The following ALK variants were observed in gnomAD, a reference collection of about 807,000 sequenced individuals.
The protein encoded by ALK is ALK tyrosine kinase receptor.
In ALK, 74 loss-of-function variants were observed where a neutral mutation model predicts 163.1. The ratio of observed to expected loss-of-function variants is 0.45; its 90% confidence interval spans 0.38 to 0.55. ALK has a LOEUF of 0.55. ALK is among the 20% of genes least tolerant of loss of function. ALK has a pLI of 0.00. For synonymous variants in ALK, 960 were observed against 843.2 expected (o/e 1.14, Z -2.40); for missense variants, 2,063 against 2,105.3 (o/e 0.98, Z 0.39).
At chr2:29,497,664 G>A (rs1672064731) in intron 4 of ALK, among the ~76,000 whole-genome samples, 1 of 152,306 alleles carries the variant, frequency 6.6e-6, no homozygotes, top group East Asian at 1.9e-4. Context: ...TTCCTATCAA[G>A]AGGGCAAATC....
In ALK at chr2:29,825,797, G is replaced by A. The variant is rs1020915755; in HGVS notation, c.667+94196C>T. Among the ~76,000 whole-genome samples, 45 of 152,108 alleles carry A rather than the reference G, an allele frequency of 3.0e-4. 1 individual carries two copies. The highest frequency in any genetic ancestry group is 1.3e-4 in the Non-Finnish European group (9 of 68,028). On this transcript the variant is annotated intron_variant, in intron 1 of 28. Transcript: ENST00000389048. ...AGAGGCCAGTGCAGTGGTCCAGGCA[G>A]AGATGATCTGAACTTGGACTGGGAT...
intron 11 of ALK, among the ~76,000 whole-genome samples, chr2:29,253,772 A>G (rs1003899797): frequency 1.3e-5 from 2 of 152,134 alleles, no homozygotes; most frequent in African/African-American, 4.8e-5. Context: ...GGCCTTATCA[A>G]TCACAGGGCA....
chr2:29,493,730 G>A (rs554217310), intron 4 of ALK, among the ~76,000 whole-genome samples: 71 of 152,320 alleles, frequency 4.7e-4, no homozygotes, highest in South Asian at 4.4e-3. Context: ...AAGCACATAG[G>A]TGTGCCCTCT....
chr2:29,327,432 TAA>T (rs1558675047), intron 6 of ALK, among the ~76,000 whole-genome samples: 1 of 151,964 alleles, frequency 6.6e-6, no homozygotes, highest in East Asian at 1.9e-4. Context: ...TGGCTAAAAT[TAA>T]AAAGACAGAT....
At chr2:29,305,597 A>G (rs546065277) in intron 8 of ALK, among the ~76,000 whole-genome samples, 2 of 152,242 alleles carry the variant, frequency 1.3e-5, no homozygotes, top group South Asian at 4.1e-4. Flanking sequence ...CATTTTATGT[A>G]AATACCCATG....
chr2:29,223,712 T>C (rs979682410), intron 19 of ALK, 184 bp from the exon 20 acceptor site: 24 of 621,234 alleles, frequency 3.9e-5, no homozygotes, highest in Admixed American at 1.1e-4. Flanking sequence ...TGAAGCATGA[T>C]TTAAAGTAAA....
intron 1 of ALK, among the ~76,000 whole-genome samples, chr2:29,897,164 A>T (rs1283234842): frequency 6.6e-6 from 1 of 152,048 alleles, no homozygotes; most frequent in Admixed American, 6.6e-5. Context: ...TACTAAAAAT[A>T]CAAAAATTAG....
At chr2:29,616,920 C>T (rs1166808044) in intron 3 of ALK, among the ~76,000 whole-genome samples, 1 of 152,172 alleles carries the variant, frequency 6.6e-6, no homozygotes, top group African/African-American at 2.4e-5. Flanking sequence ...TGTTTGTTAC[C>T]TATGTGTTGG....
intron 3 of ALK, among the ~76,000 whole-genome samples, chr2:29,647,191 G>A (rs1307883440): frequency 6.6e-6 from 1 of 152,138 alleles, no homozygotes; most frequent in Non-Finnish European, 1.5e-5. Context: ...ATACGGCAAT[G>A]AACTTCTGCC....
At chr2:29,601,587 AC>A (rs1161908200) in intron 3 of ALK, among the ~76,000 whole-genome samples, 1 of 151,982 alleles carries the variant, frequency 6.6e-6, no homozygotes, top group Non-Finnish European at 1.5e-5. Context: ...TGTCATGGCC[AC>A]CCAGAGAGGA....
intron 3 of ALK, among the ~76,000 whole-genome samples, chr2:29,566,439 T>C (rs1254846133): frequency 1.3e-5 from 2 of 152,198 alleles, no homozygotes; most frequent in Non-Finnish European, 2.9e-5. Flanking sequence ...ACTTTGATGA[T>C]AGTTGGGAGT....
chr2:29,375,468 A>G (rs1481400656), intron 5 of ALK, among the ~76,000 whole-genome samples: 4 of 151,992 alleles, frequency 2.6e-5, no homozygotes, highest in Admixed American at 6.6e-5. Context: ...ACAGGCGCCC[A>G]CCACCATGCT....
intron 4 of ALK, among the ~76,000 whole-genome samples, chr2:29,400,786 C>A (rs1423302887): frequency 1.3e-5 from 2 of 152,064 alleles, no homozygotes; most frequent in Non-Finnish European, 2.9e-5. Flanking sequence ...ACCAGCCTGA[C>A]CAACATGGAG....
At chr2:29,629,766 G>A (rs530748886) in intron 3 of ALK, among the ~76,000 whole-genome samples, 9 of 152,230 alleles carry the variant, frequency 5.9e-5, no homozygotes, top group African/African-American at 2.2e-4. Flanking sequence ...AACCCTCTGA[G>A]GTACAGACAG....
intron 1 of ALK, among the ~76,000 whole-genome samples, chr2:29,885,516 G>A (rs1271237897): frequency 2.0e-5 from 3 of 151,252 alleles, no homozygotes; most frequent in Non-Finnish European, 4.4e-5. Context: ...TGACTTTGCA[G>A]GATTTATGAC....
chr2:29,762,026 G>A (rs771272753), intron 1 of ALK, among the ~76,000 whole-genome samples: 5 of 152,084 alleles, frequency 3.3e-5, no homozygotes, highest in African/African-American at 4.8e-5. Context: ...GGGAATAATC[G>A]CAATCTGCAC....
intron 1 of ALK, among the ~76,000 whole-genome samples, chr2:29,795,209 T>C (rs1210205828): frequency 6.6e-6 from 1 of 151,994 alleles, no homozygotes; most frequent in Non-Finnish European, 1.5e-5. Flanking sequence ...CGCAAAGAGC[T>C]AACAAATATG....
chr2:29,333,389 A>G (rs994098972), intron 5 of ALK, among the ~76,000 whole-genome samples: 1 of 152,140 alleles, frequency 6.6e-6, no homozygotes, highest in Admixed American at 6.5e-5. Context: ...TACAGGCATA[A>G]GCTATCGTGC....
intron 5 of ALK, among the ~76,000 whole-genome samples, chr2:29,359,551 G>C (rs1668340245): frequency 6.6e-6 from 1 of 152,224 alleles, no homozygotes; most frequent in African/African-American, 2.4e-5. Flanking sequence ...AGAAAGTCAG[G>C]CTTAGAATTT....
Sources: allele counts gnomAD v4.1 joint callset (sites outside exome capture counted in the v4.1 genomes callset), GRCh38; gene constraint gnomAD v4.1.1; transcripts MANE v1.5; gene names NCBI Gene and HGNC (gene_info 2026-07-23, HGNC 2026-07-21).